Variants in ZNF251 observed in about 807,000 individuals in gnomAD.
ZNF251 encodes zinc finger protein 251.
A neutral mutation model predicts 13.5 loss-of-function variants in ZNF251; 14 were observed. That is an observed-to-expected ratio of 1.04 (90% CI 0.69 to 1.63). The LOEUF (loss-of-function observed/expected upper bound fraction) is 1.63. Among genes scored for constraint, ZNF251 ranks in the 40% most tolerant of loss-of-function variants. ZNF251 has a pLI of 0.00. For missense variants in ZNF251, 764 were observed against 834.9 expected, an observed-to-expected ratio of 0.92 and a Z score of 1.05; for synonymous variants, 287 against 295.2, an observed-to-expected ratio of 0.97 and a Z score of 0.28.
At chr8:144,740,804 G>T (rs1245385987) in intron 4 of ZNF251, among the ~76,000 whole-genome samples, 1 of 151,134 alleles carries the variant, frequency 6.6e-6, no homozygotes, top group South Asian at 2.1e-4. Flanking sequence ...GTGGTGGCAG[G>T]TGCCTGTAAT....
chr8:144,749,860 ATTTCTTTTTCT>A (rs1183270222), intron 4 of ZNF251, among the ~76,000 whole-genome samples: 1 of 145,182 alleles, frequency 6.9e-6, no homozygotes, highest in Non-Finnish European at 1.5e-5. Context: ...AATTCTTAAA[ATTTCTTTTTCT>A]TTTCTTTTTT....
chr8:144,740,847 C>G (rs1195094759), intron 4 of ZNF251, among the ~76,000 whole-genome samples: 1 of 151,988 alleles, frequency 6.6e-6, no homozygotes, highest in Non-Finnish European at 1.5e-5. Flanking sequence ...GCAGGAGAAT[C>G]ACTTGAACCT....
intron 4 of ZNF251, among the ~76,000 whole-genome samples, chr8:144,742,553 T>TG: frequency 6.7e-6 from 1 of 149,268 alleles, no homozygotes; most frequent in South Asian, 2.1e-4. Flanking sequence ...TGACACATCA[T>TG]GACCATCTAA....
chr8:144,754,824 G>A, intron 1 of ZNF251, 21 bp from the exon 2 acceptor site: 1 of 1,534,998 alleles, frequency 6.5e-7, no homozygotes, highest in Non-Finnish European at 8.8e-7. Context: ...GAGAACTCAG[G>A]CTCAGCCCCA....
At chr8:144,741,420 CACAT>C (rs1563765221) in intron 4 of ZNF251, among the ~76,000 whole-genome samples, 3 of 152,194 alleles carry the variant, frequency 2.0e-5, no homozygotes. Flanking sequence ...GATGCAGATA[CACAT>C]ACACCCATAC....
At chr8:144,732,611 GAC>G (rs1254000281) in intron 4 of ZNF251, among the ~76,000 whole-genome samples, 3 of 151,686 alleles carry the variant, frequency 2.0e-5, no homozygotes, top group East Asian at 2.0e-4. Context: ...AGGAGATGGA[GAC>G]CATCCTGGCC....
In ZNF251 at chr8:144,722,156, A is replaced by T; in HGVS notation, c.1504T>A (p.Ser502Thr). 6.2e-7 allele frequency: 1 copy of T among 1,613,824 alleles called. No homozygotes were observed. The highest frequency in any genetic ancestry group is 1.1e-5 in the South Asian group (1 of 91,064). ...GDCGKAFSRR[S>T]TLIQHQKVHS... ...ACTTTCTGATGCTGAATGAGGGTTG[A>T]CCTCCGGCTGAAGGCCTTCCCACAG... The change falls in exon 5 of 5, where the codon TCA becomes ACA. Residue 502 changes from serine (S) to threonine (T), a missense_variant. By Grantham distance (58) the Ser-to-Thr change is moderately conservative. Coordinates refer to ENST00000292562, the MANE Select transcript of ZNF251 (RefSeq NM_138367.2). The surrounding 1 kb of genome is among the most constrained non-coding windows in gnomAD (Gnocchi z 4.8).
chr8:144,729,089 G>GAAA (rs770516433), intron 4 of ZNF251, among the ~76,000 whole-genome samples: 11 of 91,590 alleles, frequency 1.2e-4, no homozygotes, highest in Non-Finnish European at 1.7e-4. Context: ...TCCATCTATG[G>GAAA]AAAAAAAAAA....
In ZNF251 at chr8:144,723,057, TC is replaced by T; in HGVS notation, c.602del (p.Arg201LysfsTer24). On this transcript the variant is annotated frameshift_variant, in exon 5 of 5. Coordinates refer to ENST00000292562, the MANE Select transcript of ZNF251 (RefSeq NM_138367.2). LOFTEE classifies it low-confidence loss of function (END_TRUNC). ...NLDQNVVRLQ[R>X]NKTGERVFKC... is the part of the protein sequence containing the mutation. ...TAAAGACCCTCTCTCCTGTTTTATT[TC>T]TTTGAAGTCTAACAACATTTTGGTC... 1 of 1,614,070 alleles carries T rather than the reference TC, an allele frequency of 6.2e-7. No individual in the cohort carries two copies. The highest frequency in any genetic ancestry group is 8.5e-7 in the Non-Finnish European group (1 of 1,179,904).
intron 4 of ZNF251, among the ~76,000 whole-genome samples, chr8:144,742,579 C>T (rs1824214738): frequency 6.6e-6 from 1 of 151,608 alleles, no homozygotes; most frequent in South Asian, 2.1e-4. Flanking sequence ...CAGTTTAGGG[C>T]TCACTCGTGG....
rs1823387105 is a variant in ZNF251, at chr8:144,722,106, G to A, written c.1554C>T (p.Cys518=). 5.0e-6 allele frequency: 8 copies of A among 1,613,980 alleles called. No individual in the cohort carries two copies. Among genetic ancestry groups the A allele is most frequent in the Non-Finnish European group, 6.8e-6 (8 of 1,179,898 alleles). Residue 518 remains cysteine, a synonymous_variant, in exon 5 of 5, where the codon TGC becomes TGT. Coordinates refer to ENST00000292562, the MANE Select transcript of ZNF251 (RefSeq NM_138367.2). The surrounding 1 kb of genome is among the most constrained non-coding windows in gnomAD (Gnocchi z 4.8). The stretch of plus-strand genomic sequence containing the variant: ...GAACAAAGGCTGGACCATGTTTTCT[G>A]CACTTACGAGTCTCTCCGCTGTGAA... ...QKVHSGETRK[C]RKHGPAFVHG...
In ZNF251 at chr8:144,738,043, G is replaced by T. The variant is rs533496294; in HGVS notation, c.278-14661C>A. ...TGGATTCTTCATGTTTTGGAGACAA[G>T]AGTTTCCATATCTTACTCTAATACC... On this transcript the variant is annotated intron_variant, in intron 4 of 4. Coordinates refer to ENST00000292562, the MANE Select transcript of ZNF251 (RefSeq NM_138367.2). Among the ~76,000 whole-genome samples the T allele has an allele frequency of 3.0e-4, 45 of 152,162 alleles. 1 individual carries two copies. The highest frequency in any genetic ancestry group is 2.1e-3 in the Admixed American group (32 of 15,278).
chr8:144,737,362 T>C (rs893177376), intron 4 of ZNF251, among the ~76,000 whole-genome samples: 9 of 151,988 alleles, frequency 5.9e-5, no homozygotes, highest in African/African-American at 2.2e-4. Context: ...CCTTTTAAAG[T>C]GCTGGGATTA....
chr8:144,748,814 C>T (rs920309380), intron 4 of ZNF251, among the ~76,000 whole-genome samples: 5 of 152,150 alleles, frequency 3.3e-5, no homozygotes, highest in African/African-American at 4.8e-5. Context: ...CCTCCCACCT[C>T]GGCCTCCCAA....
rs1202242017 is a variant in ZNF251 at position 144,755,511 on chromosome 8, G to GGGGCGGGCTAGGATGAAGA, written c.-201_-183dup. ...CAGAACCGGGTCCAGAGCCGGGGAGGGGGCGGGCTAGGATGAAGAGGGCGG... is the reference window on the plus strand; with the variant it reads ...CAGAACCGGGTCCAGAGCCGGGGAGGGGGCGGGCTAGGATGAAGAGGGCGGGCTAGGATGAAGAGGGCGG... On this transcript the variant is annotated 5_prime_UTR_variant, in exon 1 of 5. Coordinates refer to ENST00000292562, the MANE Select transcript of ZNF251 (RefSeq NM_138367.2). 33 of 1,286,362 alleles carry GGGGCGGGCTAGGATGAAGA rather than the reference G, an allele frequency of 2.6e-5. No individual in the cohort carries two copies. In the African/African-American group the frequency reaches 3.0e-4, roughly 12 times the overall value. The allele number at this position is 1,286,362 out of a possible 1,614,324, so 79.7% of individuals were successfully genotyped here. A position where few individuals can be genotyped will look rare whatever the true frequency, so the allele number is the denominator to read the frequency against.
In ZNF251 at chr8:144,722,026, C is replaced by G. The variant is rs1369648646; in HGVS notation, c.1634G>C (p.Arg545Thr). The stretch of plus-strand genomic sequence containing the variant: ...GAGATTTGCACCATGGTTAAAGGCT[C>G]TGCCGTGCTTCTCTCCAGTGGGAAT... ...GQIPTGEKHG[R>T]AFNHGANLIL... Residue 545 changes from arginine to threonine, a missense_variant, in exon 5 of 5, where the codon AGA (arginine) becomes ACA (threonine). Arg to Thr is a moderately conservative substitution (Grantham distance 71). Transcript: ENST00000292562. The surrounding 1 kb of genome is among the most constrained non-coding windows in gnomAD (Gnocchi z 4.8). 3 of 1,608,718 alleles carry G rather than the reference C, an allele frequency of 1.9e-6. No homozygotes were observed. In the African/African-American group the frequency reaches 4.0e-5, roughly 21 times the overall value.
Position 144,755,468 on chromosome 8 carries a change from C to A in ZNF251, c.-139G>T. The A allele has an allele frequency of 7.8e-7, 1 of 1,287,568 alleles. No individual in the cohort carries two copies. Among genetic ancestry groups the A allele is most frequent in the Non-Finnish European group, 1.0e-6 (1 of 988,736 alleles). 79.8% of individuals were successfully genotyped at this position (1,287,568 alleles called of 1,614,324 possible). ...GAGGAGCTGCGCAGTCGCACCGAGC[C>A]CGGAACGGACCCTCCCACAGAACCG... On this transcript the variant is annotated 5_prime_UTR_variant, in exon 1 of 5. Coordinates refer to ENST00000292562, the MANE Select transcript of ZNF251 (RefSeq NM_138367.2).
intron 4 of ZNF251, among the ~76,000 whole-genome samples, chr8:144,742,841 C>G (rs1179937258): frequency 6.6e-6 from 1 of 152,160 alleles, no homozygotes; most frequent in Non-Finnish European, 1.5e-5. Context: ...TACTCAAGTT[C>G]CACAGCTGGC....
intron 4 of ZNF251, among the ~76,000 whole-genome samples, chr8:144,742,753 G>A (rs1452426296): frequency 6.6e-6 from 1 of 152,104 alleles, no homozygotes. Flanking sequence ...CACATAGTTG[G>A]AATCATACAG....
Sources: gnomAD v4.1 joint callset for allele counts (sites outside exome capture counted in the v4.1 genomes callset) on GRCh38, gnomAD v4.1.1 for gene constraint, Gnocchi (gnomAD v3.1) non-coding constraint, MANE v1.5 for transcripts, NCBI Gene and HGNC (gene_info 2026-07-23, HGNC 2026-07-21) for gene names.